The following RELN variants were observed in gnomAD, a reference collection of about 807,000 sequenced individuals.
RELN encodes reelin.
In RELN, 108 loss-of-function variants were observed where a neutral mutation model predicts 427.6. That is an observed-to-expected ratio of 0.25 (90% CI 0.22 to 0.30). RELN has a LOEUF of 0.30. Ranked by LOEUF, RELN falls within the 10% of genes least tolerant of loss-of-function variation. RELN has a pLI of 1.00. For synonymous variants in RELN, 1,524 were observed against 1,513.4 expected (o/e 1.01, Z -0.16); for missense variants, 3,715 against 4,302.8 (o/e 0.86, Z 3.82).
intron 20 of RELN, among the ~76,000 whole-genome samples, chr7:103,624,409 C>T (rs944304767): frequency 2.0e-5 from 3 of 152,028 alleles, no homozygotes; most frequent in African/African-American, 7.2e-5. Flanking sequence ...TCAATGTTAC[C>T]CTTTTTTCCT....
chr7:103,874,711 T>C (rs1269691233), intron 2 of RELN, among the ~76,000 whole-genome samples: 7 of 148,994 alleles, frequency 4.7e-5, no homozygotes, highest in Non-Finnish European at 3.0e-5. Context: ...TAAAAGAGGA[T>C]ACAAACAAAT....
intron 50 of RELN, 95 bp downstream of exon 50, chr7:103,515,090 C>T (rs1469350357): frequency 2.8e-5 from 41 of 1,482,372 alleles, no homozygotes; most frequent in Admixed American, 1.0e-4. Flanking sequence ...ACTGGAACAT[C>T]TGAAAAGGTT....
Position 103,594,419 on chromosome 7 carries a change from A to C in RELN, c.3613T>G (p.Ser1205Ala). 1 of 1,614,070 alleles carries C rather than the reference A, an allele frequency of 6.2e-7. No homozygotes were observed. The highest frequency in any genetic ancestry group is 8.5e-7 in the Non-Finnish European group (1 of 1,179,936). Reference protein sequence around the residue: ...TRFRWWQPVFSGEDYDQWAVD... With the variant: ...TRFRWWQPVFAGEDYDQWAVD... ...GCCCACTGGTCATAGTCCTCCCCTG[A>C]GAACACGGGCTGCCACCAGCGGAAC... Residue 1205 changes from serine to alanine, a missense_variant, in exon 26 of 65, where the codon TCA becomes GCA. Physicochemically the swap from Ser to Ala is moderately conservative, Grantham distance 99 (BLOSUM62 1). This residue lies in a region of RELN where 2,208 missense variants were observed against 2,361.7 expected (regional missense o/e 0.93). Transcript: ENST00000428762.
intron 49 of RELN, among the ~76,000 whole-genome samples, chr7:103,517,013 A>G (rs1462439210): frequency 6.6e-6 from 1 of 152,052 alleles, no homozygotes; most frequent in Non-Finnish European, 1.5e-5. Flanking sequence ...AGCTTAATGG[A>G]TCTTAGTCTT....
At chr7:103,918,920 A>G (rs897973420) in intron 1 of RELN, among the ~76,000 whole-genome samples, 5 of 152,174 alleles carry the variant, frequency 3.3e-5, no homozygotes, top group Admixed American at 1.3e-4. Flanking sequence ...CATAAATTTT[A>G]TCAGATGCTG....
chr7:103,601,268 T>C (rs1392087459), intron 24 of RELN, among the ~76,000 whole-genome samples: 1 of 152,132 alleles, frequency 6.6e-6, no homozygotes, highest in Non-Finnish European at 1.5e-5. Context: ...GCAATGCATT[T>C]TGATAACTGA....
At chr7:103,855,328 G>A (rs1793919383) in intron 2 of RELN, among the ~76,000 whole-genome samples, 1 of 152,212 alleles carries the variant, frequency 6.6e-6, no homozygotes, top group Non-Finnish European at 1.5e-5. Flanking sequence ...GTCAGAATGG[G>A]AGGCCATCAC....
chr7:103,834,852 A>C (rs1040895689), intron 2 of RELN, among the ~76,000 whole-genome samples: 1 of 152,238 alleles, frequency 6.6e-6, no homozygotes, highest in African/African-American at 2.4e-5. Context: ...TGCTGGTGGG[A>C]ATGCAAAATG....
intron 45 of RELN, among the ~76,000 whole-genome samples, chr7:103,536,221 T>C (rs1168743685): frequency 6.6e-6 from 1 of 152,224 alleles, no homozygotes; most frequent in African/African-American, 2.4e-5. Context: ...CCACGGAATA[T>C]GTGCCAATGC....
intron 1 of RELN, among the ~76,000 whole-genome samples, chr7:103,919,963 GC>G (rs1430417575): frequency 3.3e-5 from 5 of 152,136 alleles, no homozygotes; most frequent in Non-Finnish European, 4.4e-5. Flanking sequence ...CACCAATTTG[GC>G]CCATTGATGA....
chr7:103,488,511 C>T (rs574710641), intron 60 of RELN, among the ~76,000 whole-genome samples: 1 of 152,302 alleles, frequency 6.6e-6, no homozygotes, highest in South Asian at 2.1e-4. Flanking sequence ...TAATTTCTAA[C>T]ATCAGAGATG....
intron 2 of RELN, among the ~76,000 whole-genome samples, chr7:103,890,785 G>C (rs1376053675): frequency 6.6e-6 from 1 of 152,116 alleles, no homozygotes; most frequent in African/African-American, 2.4e-5. Flanking sequence ...AATTGAAAGT[G>C]GAATTCCATT....
intron 3 of RELN, among the ~76,000 whole-genome samples, chr7:103,821,676 C>T (rs1584268412): frequency 6.6e-6 from 1 of 152,138 alleles, no homozygotes; most frequent in African/African-American, 2.4e-5. Flanking sequence ...AGAAGAAAGG[C>T]TTATGTGGCT....
At chr7:103,961,178 C>CTG (rs1796545911) in intron 1 of RELN, among the ~76,000 whole-genome samples, 2 of 152,168 alleles carry the variant, frequency 1.3e-5, no homozygotes, top group African/African-American at 4.8e-5. Flanking sequence ...TGAGAGAAAA[C>CTG]ATTTTTCAGA....
chr7:103,778,686 G>A (rs1791811498), intron 3 of RELN, among the ~76,000 whole-genome samples: 1 of 152,108 alleles, frequency 6.6e-6, no homozygotes, highest in Non-Finnish European at 1.5e-5. Context: ...TTTATTATTT[G>A]TTGCCTTCAT....
chr7:103,647,705 C>T (rs764592826), intron 16 of RELN, among the ~76,000 whole-genome samples: 1 of 151,752 alleles, frequency 6.6e-6, no homozygotes, highest in Non-Finnish European at 1.5e-5. Context: ...AAAAAACAAT[C>T]CTAAAATTCA....
At chr7:103,605,606 C>CTAA (rs1831800201) in intron 22 of RELN, among the ~76,000 whole-genome samples, 2 of 152,106 alleles carry the variant, frequency 1.3e-5, no homozygotes, top group Admixed American at 1.3e-4. Flanking sequence ...GGTCAAAGGG[C>CTAA]TAAATGAAAC....
At chr7:103,954,582 G>C (rs1473474643) in intron 1 of RELN, among the ~76,000 whole-genome samples, 2 of 152,150 alleles carry the variant, frequency 1.3e-5, no homozygotes, top group African/African-American at 4.8e-5. Context: ...TAAAGTCTTA[G>C]CAATGCTGGT....
chr7:103,770,736 T>C (rs558912191), intron 4 of RELN, among the ~76,000 whole-genome samples: 30 of 152,136 alleles, frequency 2.0e-4, no homozygotes, highest in East Asian at 1.4e-3. Flanking sequence ...TGATATTTTT[T>C]CAAAGCCTCA....
Sources: allele counts gnomAD v4.1 joint callset (sites outside exome capture counted in the v4.1 genomes callset), GRCh38; gene constraint gnomAD v4.1.1; regional missense constraint gnomAD v4.1.1; transcripts MANE v1.5; gene names NCBI Gene and HGNC (gene_info 2026-07-23, HGNC 2026-07-21).